Variants in DHX58 observed in about 807,000 individuals in gnomAD.
DHX58 encodes the protein DExH-box helicase 58.
A neutral mutation model predicts 65.0 loss-of-function variants in DHX58; 51 were observed. That is an observed-to-expected ratio of 0.78 (90% CI 0.63 to 0.99). The LOEUF is 0.99. Ranked by LOEUF, DHX58 falls within the 50% of genes least tolerant of loss-of-function variation. DHX58 has a pLI of 0.00. For missense variants in DHX58, 773 were observed against 891.8 expected (o/e 0.87, Z 1.70); for synonymous variants, 350 against 365.0 (o/e 0.96, Z 0.47).
intron 6 of DHX58, among the ~76,000 whole-genome samples, chr17:42,108,933 T>TGTCCA (rs1165780761): frequency 6.6e-6 from 1 of 152,234 alleles, no homozygotes; most frequent in Non-Finnish European, 1.5e-5. Flanking sequence ...ACCTAGTCCT[T>TGTCCA]GTCCAGTCCA....
chr17:42,102,111 G>T, intron 13 of DHX58, 105 bp downstream of exon 13: 1 of 1,451,110 alleles, frequency 6.9e-7, no homozygotes, highest in Non-Finnish European at 9.5e-7. Context: ...CAGACTGGAG[G>T]CCATGGGGTG....
At chr17:42,111,584 G>A (rs1216763824) in intron 3 of DHX58, 87 bp from the exon 4 acceptor site, 4 of 1,583,956 alleles carry the variant, frequency 2.5e-6, no homozygotes, top group Admixed American at 1.7e-5. Flanking sequence ...GGACATGGCT[G>A]GGTACTGAGC....
chr17:42,107,922 A>C (rs1203374140), intron 7 of DHX58, 60 bp downstream of exon 7: 12 of 1,591,234 alleles, frequency 7.5e-6, no homozygotes, highest in Non-Finnish European at 8.6e-6. Context: ...CCGCCCCGGC[A>C]GGCCCCGCCC....
At chr17:42,103,392 G>A (rs2054007019) in intron 12 of DHX58, 1 of 591,294 alleles carries the variant, frequency 1.7e-6, no homozygotes. Flanking sequence ...CAACCAGATA[G>A]TGGCTGTGGG....
intron 12 of DHX58, chr17:42,102,540 TCA>T: frequency 1.9e-6 from 1 of 516,444 alleles, no homozygotes; most frequent in East Asian, 3.3e-5. Flanking sequence ...TACCTGGTCT[TCA>T]CAGTCTCCTT....
intron 12 of DHX58, chr17:42,102,848 T>C (rs1283085467): frequency 6.6e-6 from 1 of 151,862 alleles, no homozygotes; most frequent in Non-Finnish European, 1.5e-5. Flanking sequence ...CAGGCTGGAG[T>C]GCAGTGGTGC....
At position 42,105,766 on chromosome 17, in the gene DHX58, C is replaced by G. The variant is rs782053688; in HGVS notation, c.1221G>C (p.Gly407=). 1.6e-5 allele frequency: 25 copies of G among 1,602,150 alleles called. No individual in the cohort carries two copies. In the Admixed American group the frequency reaches 2.4e-4, roughly 15 times the overall value. ...DIRAQLLIGA[G]NSSQSTHMTQ... Reference sequence around the variant, plus strand: ...TCATGTGGGTGCTCTGGCTGCTGTTCCCAGCCCCAATCAGTAGCTGGGCCC... The same window carrying G: ...TCATGTGGGTGCTCTGGCTGCTGTTGCCAGCCCCAATCAGTAGCTGGGCCC... The change falls in exon 9 of 14, where the codon GGG becomes GGC. Residue 407 remains glycine, a synonymous_variant. Coordinates refer to ENST00000251642, the MANE Select transcript of DHX58 (RefSeq NM_024119.3).
At chr17:42,102,055 G>T in intron 13 of DHX58, 109 bp from the exon 14 acceptor site, 1 of 1,446,748 alleles carries the variant, frequency 6.9e-7, no homozygotes, top group Non-Finnish European at 9.4e-7. Context: ...CACCTGAGAT[G>T]TCACAGACTG....
Position 42,105,825 on chromosome 17 carries a change from G to A in DHX58, c.1162C>T (p.Gln388Ter), listed in dbSNP as rs144228819. Reference sequence around the variant, plus strand: ...ACAGTCTGCAGGCCCTGCTGCTGCTGGAGCCAGAGCAGGAGGGAGTGTGCG... The same window carrying A: ...ACAGTCTGCAGGCCCTGCTGCTGCTAGAGCCAGAGCAGGAGGGAGTGTGCG... The part of the protein sequence containing the change: ...QSAHSLLLWL[Q>*]QQQGLQTVDI... Residue 388 changes from glutamine (Q) to a stop codon, truncating the protein, a stop_gained, in exon 9 of 14, where the codon CAG (glutamine) becomes TAG (stop). Coordinates refer to ENST00000251642, the MANE Select transcript of DHX58 (RefSeq NM_024119.3). LOFTEE classifies it high-confidence loss of function. 2.1e-5 allele frequency: 34 copies of A among 1,613,748 alleles called. No homozygotes were observed. Among genetic ancestry groups the A allele is most frequent in the African/African-American group, 8.0e-5 (6 of 74,910 alleles).
chr17:42,108,341 G>A (rs1555663308), intron 6 of DHX58, among the ~76,000 whole-genome samples: 1 of 152,230 alleles, frequency 6.6e-6, no homozygotes, highest in African/African-American at 2.4e-5. Flanking sequence ...TAAGGCACAT[G>A]GACGTGCTTT....
At chr17:42,112,412 AG>A in intron 1 of DHX58, 192 bp downstream of exon 1, 2 of 285,636 alleles carry the variant, frequency 7.0e-6, no homozygotes, top group Non-Finnish European at 1.2e-5. Flanking sequence ...TGGGAATGGC[AG>A]GGGACTCAGA....
At chr17:42,107,540 TG>T in intron 8 of DHX58, 63 bp downstream of exon 8, 1 of 1,465,760 alleles carries the variant, frequency 6.8e-7, no homozygotes, top group Non-Finnish European at 9.1e-7. Flanking sequence ...GCCTGTGCCC[TG>T]GCCTCTGACC....
rs1422097515 is a variant in DHX58 at position 42,105,786 on chromosome 17, G to A, written c.1201C>T (p.Gln401Ter). ...QGLQTVDIRA[Q>*]LLIGAGNSSQ... ...CTGTTCCCAGCCCCAATCAGTAGCT[G>A]GGCCCGGATGTCCACAGTCTGCAGG... Residue 401 changes from glutamine to a stop codon, truncating the protein, a stop_gained, in exon 9 of 14, where the codon CAG becomes TAG. Transcript: ENST00000251642. LOFTEE classifies it high-confidence loss of function. The A allele has an allele frequency of 1.9e-6, 3 of 1,611,062 alleles. No homozygotes were observed. Among genetic ancestry groups the A allele is most frequent in the Non-Finnish European group, 2.5e-6 (3 of 1,178,366 alleles).
chr17:42,110,329 CAAG>C (rs1555663791), intron 5 of DHX58, among the ~76,000 whole-genome samples: 1 of 151,840 alleles, frequency 6.6e-6, no homozygotes, highest in African/African-American at 2.4e-5. Flanking sequence ...CAATGAATGA[CAAG>C]GAGGAGGCAG....
Position 42,102,208 on chromosome 17 carries a change from G to A in DHX58, c.1851+8C>T. On this transcript the variant is annotated splice_region_variant and intron_variant, in intron 13 of 13. Coordinates refer to ENST00000251642, the MANE Select transcript of DHX58 (RefSeq NM_024119.3). ...CTCTGGGGCCTGGGACGTGGCCTAA[G>A]CTCTTACCTCCCCACAGTTCCTGCA... 6.2e-7 allele frequency: 1 copy of A among 1,614,074 alleles called. No homozygotes were observed. The highest frequency in any genetic ancestry group is 8.5e-7 in the Non-Finnish European group (1 of 1,179,946).
At chr17:42,109,537 T>C (rs1379131255) in intron 5 of DHX58, 151 bp from the exon 6 acceptor site, 12 of 616,864 alleles carry the variant, frequency 1.9e-5, no homozygotes, top group Non-Finnish European at 3.3e-5. Context: ...CGTCTTGTTC[T>C]AGGCACTGGG....
chr17:42,103,551 T>A (rs1328512043), intron 12 of DHX58, 57 bp downstream of exon 12: 3 of 1,597,362 alleles, frequency 1.9e-6, no homozygotes, highest in Non-Finnish European at 2.6e-6. Context: ...CAAAGCACTG[T>A]CTGGATGGGA....
chr17:42,102,457 TC>T, intron 12 of DHX58, 145 bp from the exon 13 acceptor site: 1 of 687,926 alleles, frequency 1.5e-6, no homozygotes, highest in East Asian at 2.6e-5. Flanking sequence ...GGAAATCCAA[TC>T]TTTGGTGAGT....
chr17:42,109,925 C>T (rs868913925), intron 5 of DHX58, among the ~76,000 whole-genome samples: 4 of 149,744 alleles, frequency 2.7e-5, no homozygotes, highest in Non-Finnish European at 5.9e-5. Flanking sequence ...CAGTGGCTCA[C>T]GCCTGTAATC....
Sources: gnomAD v4.1 joint callset for allele counts (sites outside exome capture counted in the v4.1 genomes callset) on GRCh38, gnomAD v4.1.1 for gene constraint, MANE v1.5 for transcripts, NCBI Gene and HGNC (gene_info 2026-07-23, HGNC 2026-07-21) for gene names.